Variants in EVI5 observed in about 807,000 individuals in gnomAD.
EVI5 encodes the protein ecotropic viral integration site 5 protein homolog.
In EVI5, 73 loss-of-function variants were observed where a neutral mutation model predicts 112.0. The ratio of observed to expected loss-of-function variants is 0.65; its 90% CI spans 0.54 to 0.79. EVI5 has a LOEUF of 0.79. Ranked by LOEUF, EVI5 falls within the 30% of genes least tolerant of loss-of-function variation. The probability of loss-of-function intolerance (pLI) is 0.00; values close to 1 mark genes in which losing one functional copy is unlikely to be tolerated. For synonymous variants in EVI5, 305 were observed against 319.9 expected, an observed-to-expected ratio of 0.95 and a Z score of 0.50; for missense variants, 900 against 968.8, an observed-to-expected ratio of 0.93 and a Z score of 0.94.
rs61781870 is a variant in EVI5 at position 92,537,922 on chromosome 1, G to A, written c.2167-23952C>T. ...AGAATGAAAAAATTGTAGATTTCAT[G>A]TAAAACTGTATATAATGCAATAGTT... is the stretch of plus-strand genomic sequence containing the variant. On this transcript the variant is annotated intron_variant, in intron 19 of 19. Coordinates refer to ENST00000684568, the MANE Select transcript of EVI5 (RefSeq NM_001350197.2). Among the ~76,000 whole-genome samples, 918 of 152,146 alleles carry A rather than the reference G, an allele frequency of 6.0e-3. 6 individuals are homozygous for A. The highest frequency in any genetic ancestry group is 9.0e-3 in the Non-Finnish European group (609 of 67,980).
chr1:92,640,604 A>G (rs1029509561), intron 13 of EVI5, among the ~76,000 whole-genome samples: 1 of 152,156 alleles, frequency 6.6e-6, no homozygotes, highest in Non-Finnish European at 1.5e-5. Context: ...CCAAGAAACA[A>G]CAGATGCTGG....
In EVI5 at chr1:92,539,868, CCT is replaced by C. The variant is rs576721640; in HGVS notation, c.2166+23772_2166+23773del. Among the ~76,000 whole-genome samples the C allele has an allele frequency of 2.8e-3, 419 of 152,266 alleles. 5 individuals are homozygous for C. Among genetic ancestry groups the C allele is most frequent in the African/African-American group, 9.0e-3 (374 of 41,532 alleles). The stretch of plus-strand genomic sequence containing the variant: ...CTCTTAGCTGTCATCCCTTAAAACC[CCT>C]CTCTTCCCCTCCAACCCCAAGGAAC... On this transcript the variant is annotated intron_variant, in intron 19 of 19. Coordinates refer to ENST00000684568, the MANE Select transcript of EVI5 (RefSeq NM_001350197.2).
At chr1:92,549,076 C>A (rs922869091) in intron 19 of EVI5, among the ~76,000 whole-genome samples, 3 of 152,310 alleles carry the variant, frequency 2.0e-5, no homozygotes, top group African/African-American at 7.2e-5. Context: ...CTGGAGGCAT[C>A]ACGCTACCTG....
intron 19 of EVI5, among the ~76,000 whole-genome samples, chr1:92,517,885 C>CTTTTTTTT (rs35504849): frequency 2.9e-5 from 3 of 102,248 alleles, no homozygotes; most frequent in African/African-American, 3.9e-5. Context: ...ATATTATATG[C>CTTTTTTTT]TTTTTTTTTT....
chr1:92,735,916 G>A (rs1204747159), intron 2 of EVI5, among the ~76,000 whole-genome samples: 3 of 147,200 alleles, frequency 2.0e-5, no homozygotes, highest in Admixed American at 6.9e-5. Context: ...AACATGGTAA[G>A]GAAACAAACG....
intron 19 of EVI5, among the ~76,000 whole-genome samples, chr1:92,540,653 T>C (rs1343972332): frequency 6.6e-6 from 1 of 152,226 alleles, no homozygotes; most frequent in Non-Finnish European, 1.5e-5. Flanking sequence ...ATGGTGATCT[T>C]TGAAGCACAA....
intron 2 of EVI5, among the ~76,000 whole-genome samples, chr1:92,709,885 GT>G (rs1393604381): frequency 2.0e-5 from 3 of 151,906 alleles, no homozygotes; most frequent in African/African-American, 7.3e-5. Flanking sequence ...TATAATTAAG[GT>G]AGTCTGGCAT....
At chr1:92,654,069 C>G (rs961799719) in intron 13 of EVI5, among the ~76,000 whole-genome samples, 1 of 151,902 alleles carries the variant, frequency 6.6e-6, no homozygotes, top group Admixed American at 6.6e-5. Flanking sequence ...ATCCAAGGGC[C>G]GGCTTGGCTG....
At chr1:92,573,726 G>C (rs1670636190) in intron 18 of EVI5, among the ~76,000 whole-genome samples, 1 of 151,992 alleles carries the variant, frequency 6.6e-6, no homozygotes, top group South Asian at 2.1e-4. Context: ...TACAGAGGTT[G>C]GTTCAATTTT....
intron 13 of EVI5, 58 bp from the exon 14 acceptor site, chr1:92,636,394 A>G: frequency 1.4e-6 from 2 of 1,424,898 alleles, no homozygotes; most frequent in Non-Finnish European, 2.0e-6. Flanking sequence ...TATATACAAT[A>G]AAAACAATGC....
intron 1 of EVI5, among the ~76,000 whole-genome samples, chr1:92,777,838 G>A (rs1056458243): frequency 2.0e-5 from 3 of 151,892 alleles, no homozygotes; most frequent in Non-Finnish European, 4.4e-5. Context: ...CAGGGAGAAT[G>A]AGACAATAGC....
chr1:92,514,092 A>G, intron 19 of EVI5, 122 bp from the exon 20 acceptor site: 1 of 565,866 alleles, frequency 1.8e-6, no homozygotes, highest in South Asian at 3.6e-5. Flanking sequence ...AGGTATAATC[A>G]TAGTTACTAA....
At chr1:92,599,634 C>T (rs886680952) in intron 18 of EVI5, among the ~76,000 whole-genome samples, 3 of 152,032 alleles carry the variant, frequency 2.0e-5, no homozygotes, top group Non-Finnish European at 4.4e-5. Context: ...AGCCAAAAAG[C>T]ACTCAGTCCT....
intron 9 of EVI5, among the ~76,000 whole-genome samples, chr1:92,690,528 T>TC (rs373287864): frequency 9.9e-5 from 15 of 151,434 alleles, no homozygotes; most frequent in Middle Eastern, 6.8e-3. Flanking sequence ...CTTTTTTTTT[T>TC]CTATACAGTC....
intron 19 of EVI5, among the ~76,000 whole-genome samples, chr1:92,547,027 C>T (rs1307121378): frequency 6.6e-6 from 1 of 152,204 alleles, no homozygotes; most frequent in African/African-American, 2.4e-5. Flanking sequence ...CTCTCCACCC[C>T]AAATCAACAG....
rs1250649233 is a variant in EVI5, at chr1:92,693,690, AC to A, written c.1097+111del. ...AACATTAGCTTTATGCTATATTGAA[AC>A]CAATACCACCGAAGAAAATAATATA... On this transcript the variant is annotated intron_variant, in intron 9 of 19. Coordinates refer to ENST00000684568, the MANE Select transcript of EVI5 (RefSeq NM_001350197.2). 68 of 645,890 alleles carry A rather than the reference AC, an allele frequency of 1.1e-4. 1 individual carries two copies. The Middle Eastern group carries it at 1.7e-3, about 16-fold the overall frequency. 40.0% of individuals were successfully genotyped at this position (645,890 alleles called of 1,614,324 possible). A position where few individuals can be genotyped will look rare whatever the true frequency, so the allele number is the denominator to read the frequency against.
At chr1:92,544,724 T>C (rs888360634) in intron 19 of EVI5, among the ~76,000 whole-genome samples, 2 of 152,216 alleles carry the variant, frequency 1.3e-5, no homozygotes, top group African/African-American at 2.4e-5. Flanking sequence ...TATAAACATA[T>C]AGCCACATAC....
chr1:92,662,769 GCTTAGCA>G lies in EVI5; in HGVS notation c.1335_1341del (p.Ala446TrpfsTer32). ...CTGATGGTATTTTCAGCTTGCTCCA[GCTTAGCA>G]CTGGCCTCATCACTCTGCTGTTTGA... On this transcript the variant is annotated frameshift_variant, in exon 13 of 20. Transcript: ENST00000684568. LOFTEE classifies it high-confidence loss of function. 1 of 1,289,034 alleles carries G rather than the reference GCTTAGCA, an allele frequency of 7.8e-7. No homozygotes were observed. The highest frequency in any genetic ancestry group is 1.0e-6 in the Non-Finnish European group (1 of 988,598). 79.8% of individuals were successfully genotyped at this position (1,289,034 alleles called of 1,614,324 possible).
intron 18 of EVI5, among the ~76,000 whole-genome samples, chr1:92,592,412 T>C (rs551442071): frequency 2.0e-5 from 3 of 152,264 alleles, no homozygotes; most frequent in East Asian, 3.9e-4. Flanking sequence ...CTGGGACACA[T>C]TCCAAGCAGT....
Sources: gnomAD v4.1 joint callset for allele counts (sites outside exome capture counted in the v4.1 genomes callset) on GRCh38, gnomAD v4.1.1 for gene constraint, MANE v1.5 for transcripts, NCBI Gene and HGNC (gene_info 2026-07-23, HGNC 2026-07-21) for gene names.